Variants in SLC8A1 observed in about 807,000 individuals in gnomAD.
The protein encoded by SLC8A1 is sodium/calcium exchanger 1.
SLC8A1 carries 18 observed loss-of-function variants against 68.3 expected under a neutral mutation model. The observed-to-expected ratio is 0.26, with a 90% confidence interval of 0.18 to 0.39. SLC8A1 has a LOEUF of 0.39. Among genes scored for constraint, SLC8A1 ranks in the 10% least tolerant of loss-of-function variants. The pLI, the probability that SLC8A1 is intolerant of heterozygous loss-of-function variation, is 1.00. For synonymous variants in SLC8A1, 475 were observed against 415.5 expected, an observed-to-expected ratio of 1.14 and a Z score of -1.74; for missense variants, 985 against 1,156.7, an observed-to-expected ratio of 0.85 and a Z score of 2.15.
intron 1 of SLC8A1, among the ~76,000 whole-genome samples, chr2:40,439,874 T>A (rs1053170510): frequency 2.0e-5 from 3 of 152,152 alleles, no homozygotes; most frequent in Non-Finnish European, 4.4e-5. Flanking sequence ...TGACTCTCCA[T>A]CAGTGTTGTA....
intron 2 of SLC8A1, among the ~76,000 whole-genome samples, chr2:40,281,794 G>A (rs1338411719): frequency 6.6e-6 from 1 of 152,212 alleles, no homozygotes. Flanking sequence ...GGGAATTTCT[G>A]TAAGCCGGAA....
At chr2:40,103,285 CTA>C (rs1387542261) in exon 8 of SLC8A1, 2 of 152,056 alleles carry the variant, frequency 1.3e-5, no homozygotes, top group Non-Finnish European at 2.9e-5. Context: ...CATTCTTTTG[CTA>C]TGTTTCGTCT....
chr2:40,438,361 G>A (rs1484735043), intron 1 of SLC8A1, among the ~76,000 whole-genome samples: 2 of 152,132 alleles, frequency 1.3e-5, no homozygotes, highest in East Asian at 1.9e-4. Flanking sequence ...ATAGCTGGTT[G>A]ACATTTAATC....
intron 2 of SLC8A1, among the ~76,000 whole-genome samples, chr2:40,226,556 G>C (rs2059003990): frequency 6.6e-6 from 1 of 152,076 alleles, no homozygotes; most frequent in Non-Finnish European, 1.5e-5. Context: ...GTCAACTACA[G>C]TCACTCAGGA....
At chr2:40,176,670 G>C (rs1385371546) in intron 3 of SLC8A1, among the ~76,000 whole-genome samples, 1 of 152,112 alleles carries the variant, frequency 6.6e-6, no homozygotes, top group Non-Finnish European at 1.5e-5. Flanking sequence ...GGATGAACGT[G>C]GGATAAATTT....
At chr2:40,197,847 T>C (rs2053369514) in intron 2 of SLC8A1, among the ~76,000 whole-genome samples, 1 of 152,024 alleles carries the variant, frequency 6.6e-6, no homozygotes, top group South Asian at 2.1e-4. Flanking sequence ...AGAGTGGTAG[T>C]ATCTGTGAGG....
intron 4 of SLC8A1, among the ~76,000 whole-genome samples, chr2:40,172,320 C>T (rs968467520): frequency 5.9e-5 from 9 of 152,060 alleles, no homozygotes; most frequent in Admixed American, 5.9e-4. Flanking sequence ...TGTAGAAATT[C>T]CCAAGTTTTG....
In SLC8A1 at chr2:40,178,506, A is replaced by G; in HGVS notation, c.1809-651T>C. 6.3e-7 allele frequency: 1 copy of G among 1,598,532 alleles called. No homozygotes were observed. Among genetic ancestry groups the G allele is most frequent in the Non-Finnish European group, 8.6e-7 (1 of 1,166,716 alleles). On this transcript the variant is annotated intron_variant, in intron 2 of 7. Coordinates refer to ENST00000406785, the Ensembl canonical transcript of SLC8A1. ...TGATATTGTTTTGCTGAAACAGAGA[A>G]TAGAAATTGACGAACAAGGGGAAGA...
intron 6 of SLC8A1, among the ~76,000 whole-genome samples, chr2:40,157,249 G>T (rs534099945): frequency 6.6e-6 from 1 of 152,056 alleles, no homozygotes. Context: ...AAATGCATAC[G>T]GTTTAAATTA....
chr2:40,303,247 T>C (rs1259961173), intron 2 of SLC8A1, among the ~76,000 whole-genome samples: 3 of 152,174 alleles, frequency 2.0e-5, no homozygotes, highest in Non-Finnish European at 4.4e-5. Context: ...CACACCCCTG[T>C]AGCAGGAAAG....
intron 2 of SLC8A1, among the ~76,000 whole-genome samples, chr2:40,257,559 A>C (rs1275546129): frequency 1.3e-5 from 2 of 152,162 alleles, no homozygotes; most frequent in Non-Finnish European, 2.9e-5. Flanking sequence ...CACTATATCC[A>C]AGAGCGTATC....
Position 40,422,111 on chromosome 2 carries a change from T to C in SLC8A1, c.1808+6362A>G, listed in dbSNP as rs886676795. Among the ~76,000 whole-genome samples the C allele has an allele frequency of 3.9e-5, 6 of 152,162 alleles. 1 individual carries two copies. Among genetic ancestry groups the C allele is most frequent in the South Asian group, 4.2e-4 (2 of 4,818 alleles). ...GGCTCACCCAAGGCAGTTACGAAGA[T>C]TATCTCATATGCCACTTACCCACAG... On this transcript the variant is annotated intron_variant, in intron 2 of 7. Coordinates refer to ENST00000406785, the Ensembl canonical transcript of SLC8A1.
intron 2 of SLC8A1, among the ~76,000 whole-genome samples, chr2:40,260,087 A>G (rs2064486919): frequency 6.6e-6 from 1 of 152,206 alleles, no homozygotes; most frequent in Non-Finnish European, 1.5e-5. Context: ...TAACAAACAC[A>G]TTTACATATC....
chr2:40,208,882 A>T (rs2056019791), intron 2 of SLC8A1: 1 of 152,182 alleles, frequency 6.6e-6, no homozygotes, highest in African/African-American at 2.4e-5. Context: ...TTTCAAGGGA[A>T]AAGAATCCAA....
chr2:40,226,831 G>T (rs561254082), intron 2 of SLC8A1, among the ~76,000 whole-genome samples: 1 of 152,232 alleles, frequency 6.6e-6, no homozygotes, highest in Non-Finnish European at 1.5e-5. Flanking sequence ...CCACTAATGA[G>T]CATCTATTAA....
intron 2 of SLC8A1, among the ~76,000 whole-genome samples, chr2:40,319,645 G>C (rs891810616): frequency 1.3e-5 from 2 of 152,036 alleles, no homozygotes; most frequent in African/African-American, 4.8e-5. Context: ...CTGTCACAAA[G>C]CTCCTCCTTA....
intron 1 of SLC8A1, among the ~76,000 whole-genome samples, chr2:40,489,340 T>A (rs555048783): frequency 1.4e-4 from 22 of 152,208 alleles, no homozygotes; most frequent in African/African-American, 4.3e-4. Flanking sequence ...AAAGCATACG[T>A]GCAAACACAT....
rs570416246 is a variant in SLC8A1 at position 40,373,323 on chromosome 2, G to T, written c.1808+55150C>A. On this transcript the variant is annotated intron_variant, in intron 2 of 7. Transcript: ENST00000406785. ...TTCCACCCACAGGTCCTCTGCCAGGGTCAATCTCAGCAGAAACATGACTCT... is the reference window on the plus strand; with the variant it reads ...TTCCACCCACAGGTCCTCTGCCAGGTTCAATCTCAGCAGAAACATGACTCT... Among the ~76,000 whole-genome samples the T allele has an allele frequency of 5.3e-5, 8 of 152,128 alleles. No homozygotes were observed. In the East Asian group the frequency reaches 1.6e-3, roughly 30 times the overall value.
intron 5 of SLC8A1, among the ~76,000 whole-genome samples, chr2:40,164,322 A>C (rs1195695174): frequency 6.6e-6 from 1 of 152,192 alleles, no homozygotes; most frequent in Non-Finnish European, 1.5e-5. Context: ...GGTTGCAGGC[A>C]CTCTGCATTC....
Sources: allele counts gnomAD v4.1 joint callset (sites outside exome capture counted in the v4.1 genomes callset), GRCh38; gene constraint gnomAD v4.1.1; transcripts MANE v1.5; gene names NCBI Gene and HGNC (gene_info 2026-07-23, HGNC 2026-07-21).